Variants in PRKAG2 observed in about 807,000 individuals in gnomAD.
The protein encoded by PRKAG2 is protein kinase AMP-activated non-catalytic subunit gamma 2.
Under a neutral mutation model 69.6 loss-of-function variants are expected in PRKAG2, and 26 were observed. The ratio of observed to expected loss-of-function variants is 0.37; its 90% confidence interval spans 0.27 to 0.52. The LOEUF (loss-of-function observed/expected upper bound fraction) is 0.52, where lower values mean the gene tolerates loss of function less well. Among genes scored for constraint, PRKAG2 ranks in the 20% least tolerant of loss-of-function variants. PRKAG2 has a pLI of 0.90. For missense variants in PRKAG2, 557 were observed against 740.0 expected (o/e 0.75, Z 2.87); for synonymous variants, 293 against 285.0 (o/e 1.03, Z -0.28).
At chr7:151,570,469 G>GT (rs1807282024) in intron 9 of PRKAG2, among the ~76,000 whole-genome samples, 1 of 152,142 alleles carries the variant, frequency 6.6e-6, no homozygotes, top group South Asian at 2.1e-4. Flanking sequence ...CAATGTGACA[G>GT]TAAGTGTTTA....
intron 1 of PRKAG2, among the ~76,000 whole-genome samples, chr7:151,845,175 A>G (rs1318628050): frequency 6.6e-6 from 1 of 151,438 alleles, no homozygotes; most frequent in African/African-American, 2.4e-5. Flanking sequence ...AGCGACAAAA[A>G]TGGCCCTCTT....
chr7:151,768,929 C>A (rs1281619518), intron 3 of PRKAG2, among the ~76,000 whole-genome samples: 1 of 152,240 alleles, frequency 6.6e-6, no homozygotes, highest in Non-Finnish European at 1.5e-5. Flanking sequence ...ACTCCTAATC[C>A]AATCCCCACT....
At chr7:151,663,416 G>T (rs76255212) in intron 4 of PRKAG2, among the ~76,000 whole-genome samples, 1 of 152,188 alleles carries the variant, frequency 6.6e-6, no homozygotes, top group East Asian at 1.9e-4. Context: ...CAGTCCTCTC[G>T]CCCAGGCAAA....
intron 3 of PRKAG2, among the ~76,000 whole-genome samples, chr7:151,765,649 TAA>T (rs1305693358): frequency 6.6e-6 from 1 of 152,196 alleles, no homozygotes; most frequent in African/African-American, 2.4e-5. Context: ...GACCTCATCT[TAA>T]ATAATTACAC....
At chr7:151,572,881 G>C (rs1043581681) in intron 8 of PRKAG2, among the ~76,000 whole-genome samples, 172 bp from the exon 9 acceptor site, 3 of 152,296 alleles carry the variant, frequency 2.0e-5, no homozygotes, top group Admixed American at 2.0e-4. Flanking sequence ...GGGAGATCAA[G>C]GTGGGCAGAT....
chr7:151,766,609 A>G, intron 3 of PRKAG2, among the ~76,000 whole-genome samples: 1 of 152,254 alleles, frequency 6.6e-6, no homozygotes, highest in Non-Finnish European at 1.5e-5. Context: ...ACTGGGGATG[A>G]CCTATGCCCA....
intron 11 of PRKAG2, among the ~76,000 whole-genome samples, chr7:151,566,901 C>A (rs1220004492): frequency 6.6e-6 from 1 of 152,114 alleles, no homozygotes; most frequent in South Asian, 2.1e-4. Flanking sequence ...ATATTTTTAA[C>A]TGAAAACCTT....
intron 5 of PRKAG2, among the ~76,000 whole-genome samples, chr7:151,627,973 CT>C (rs1418680521): frequency 3.3e-5 from 5 of 152,178 alleles, no homozygotes; most frequent in African/African-American, 1.2e-4. Flanking sequence ...CTGGATTCTA[CT>C]TTGGAAAATC....
chr7:151,659,535 G>A (rs959943866), intron 4 of PRKAG2, among the ~76,000 whole-genome samples: 1 of 152,206 alleles, frequency 6.6e-6, no homozygotes, highest in Non-Finnish European at 1.5e-5. Flanking sequence ...TCTTAACACA[G>A]GGGTTCACAC....
At chr7:151,557,366 A>G (rs959150780) in intron 15 of PRKAG2, 134 bp from the exon 16 acceptor site, 3 of 1,598,584 alleles carry the variant, frequency 1.9e-6, no homozygotes, top group Non-Finnish European at 2.6e-6. Context: ...CGATGTGGGA[A>G]GGAGCAGGTG....
At chr7:151,691,391 C>T (rs909127354) in intron 3 of PRKAG2, among the ~76,000 whole-genome samples, 1 of 151,118 alleles carries the variant, frequency 6.6e-6, no homozygotes. Flanking sequence ...GAGGGCTGAC[C>T]GTATTGCAAA....
At chr7:151,806,338 A>T (rs948413564) in intron 1 of PRKAG2, among the ~76,000 whole-genome samples, 1 of 152,248 alleles carries the variant, frequency 6.6e-6, no homozygotes, top group Admixed American at 6.5e-5. Context: ...GGCAGAGGCC[A>T]GTGGTGAAGG....
At chr7:151,846,170 G>A (rs989908510) in intron 1 of PRKAG2, among the ~76,000 whole-genome samples, 1 of 152,298 alleles carries the variant, frequency 6.6e-6, no homozygotes, top group East Asian at 1.9e-4. Flanking sequence ...GTCTTAGAAA[G>A]TTTCTTTTAA....
intron 1 of PRKAG2, 147 bp downstream of exon 1, chr7:151,876,360 C>CT: frequency 1.3e-6 from 1 of 780,180 alleles, no homozygotes; most frequent in Non-Finnish European, 2.1e-6. Flanking sequence ...AGCTCGGGCC[C>CT]TGTCCCTCTA....
rs759629976 is a variant in PRKAG2 at position 151,642,028 on chromosome 7, T to TAAA, written c.685-9893_685-9891dup. Among the ~76,000 whole-genome samples the TAAA allele has an allele frequency of 1.4e-3, 137 of 95,018 alleles. 2 individuals are homozygous for TAAA. The highest frequency in any genetic ancestry group is 5.1e-3 in the African/African-American group (122 of 24,154). The allele number at this position is 95,018 out of a possible 152,430, so 62.3% of individuals were successfully genotyped here. ...GGGCAACATAGGGAGACCCCATCTT[T>TAAA]AAAAAAAAAAAAAAAAAAAAAAAGG... On this transcript the variant is annotated intron_variant, in intron 4 of 15. Transcript: ENST00000287878.
chr7:151,855,453 A>ACACACACCG (rs2079734643), intron 1 of PRKAG2, among the ~76,000 whole-genome samples: 1 of 5,864 alleles, frequency 1.7e-4, no homozygotes, highest in Non-Finnish European at 2.9e-4. Context: ...CACACACACC[A>ACACACACCG]TCCTCCACAC....
intron 1 of PRKAG2, among the ~76,000 whole-genome samples, chr7:151,855,331 C>CCCTCCACACACACCAT (rs2079722279): frequency 1.2e-5 from 1 of 83,450 alleles, no homozygotes; most frequent in Non-Finnish European, 2.3e-5. Flanking sequence ...CCACACACCG[C>CCCTCCACACACACCAT]CCTCCACACA....
chr7:151,700,807 A>G (rs1177684542), intron 3 of PRKAG2, among the ~76,000 whole-genome samples: 2 of 152,118 alleles, frequency 1.3e-5, no homozygotes, highest in Non-Finnish European at 1.5e-5. Flanking sequence ...CATCCCCTCC[A>G]CACGGGGGGA....
intron 6 of PRKAG2, among the ~76,000 whole-genome samples, chr7:151,591,315 C>T (rs929397046): frequency 5.9e-5 from 9 of 152,242 alleles, no homozygotes; most frequent in Non-Finnish European, 8.8e-5. Context: ...GCGGCACCCC[C>T]GCTCTCTACC....
Sources: gnomAD v4.1 joint callset for allele counts (sites outside exome capture counted in the v4.1 genomes callset) on GRCh38, gnomAD v4.1.1 for gene constraint, MANE v1.5 for transcripts, NCBI Gene and HGNC (gene_info 2026-07-23, HGNC 2026-07-21) for gene names.